KLRG1: variants seen among roughly 807,000 people sequenced by gnomAD.
The protein encoded by KLRG1 is killer cell lectin-like receptor subfamily G member 1.
A neutral mutation model predicts 21.8 loss-of-function variants in KLRG1; 16 were observed. That is an observed-to-expected ratio of 0.73 (90% CI 0.50 to 1.11). KLRG1 has a LOEUF of 1.11. KLRG1 is among the 50% of genes most tolerant of loss of function. The pLI, the probability that KLRG1 is intolerant of heterozygous loss-of-function variation, is 0.00. For missense variants in KLRG1, 173 were observed against 218.3 expected (o/e 0.79, Z 1.31); for synonymous variants, 69 against 75.9 (o/e 0.91, Z 0.47).
the KLRG1 span, among the ~76,000 whole-genome samples, chr12:9,030,408 AT>A: frequency 1.3e-5 from 2 of 149,174 alleles, no homozygotes; most frequent in African/African-American, 4.9e-5. Context: ...TAAAGGAACC[AT>A]TTTTTTTTTC....
the KLRG1 span, among the ~76,000 whole-genome samples, chr12:9,185,982 A>G: frequency 5.3e-5 from 8 of 151,450 alleles, no homozygotes; most frequent in Non-Finnish European, 1.2e-4. Context: ...TAATTTTTGT[A>G]TTTTTAGTAG....
chr12:8,997,676 C>T (rs746947065), intron 3 of KLRG1, among the ~76,000 whole-genome samples: 1 of 152,294 alleles, frequency 6.6e-6, no homozygotes, highest in South Asian at 2.1e-4. Flanking sequence ...GAGATGCTTA[C>T]GTAGAGTTCA....
chr12:9,101,580 G>C, the KLRG1 span: 1 of 1,613,928 alleles, frequency 6.2e-7, no homozygotes, highest in Non-Finnish European at 8.5e-7. Flanking sequence ...GCTCTTGCTT[G>C]GGGAGAACAC....
the KLRG1 span, among the ~76,000 whole-genome samples, chr12:9,175,527 C>A: frequency 1.3e-5 from 2 of 152,114 alleles, no homozygotes; most frequent in African/African-American, 4.8e-5. Context: ...GAACAGACAA[C>A]TTTAAGAATG....
the KLRG1 span, among the ~76,000 whole-genome samples, chr12:9,111,312 A>G: frequency 1.3e-5 from 2 of 152,224 alleles, no homozygotes; most frequent in Non-Finnish European, 2.9e-5. Flanking sequence ...TTTAAAAATC[A>G]ATACGTATAG....
the KLRG1 span, chr12:9,077,256 G>T: frequency 1.6e-6 from 2 of 1,216,702 alleles, no homozygotes; most frequent in African/African-American, 1.5e-5. Flanking sequence ...CTGATGCTTT[G>T]CTTTTAATAG....
the KLRG1 span, chr12:9,077,725 C>T: frequency 6.2e-7 from 1 of 1,614,004 alleles, no homozygotes; most frequent in Non-Finnish European, 8.5e-7. Flanking sequence ...TGAGCAGTGA[C>T]CCAGAGCTCC....
chr12:9,055,358 C>A, the KLRG1 span, among the ~76,000 whole-genome samples: 1 of 152,180 alleles, frequency 6.6e-6, no homozygotes, highest in South Asian at 2.1e-4. Context: ...CACTAATCTT[C>A]AGTTTAGAAG....
the KLRG1 span, chr12:9,110,388 C>T: frequency 8.5e-7 from 1 of 1,178,528 alleles, no homozygotes; most frequent in Non-Finnish European, 1.2e-6. Flanking sequence ...ATTCTTAAAT[C>T]TCATTTATAA....
At chr12:9,169,279 G>A in the KLRG1 span, 51 of 786,368 alleles carry the variant, frequency 6.5e-5, no homozygotes, top group African/African-American at 6.2e-4. Flanking sequence ...ATCCTCACAA[G>A]AGACTTTAAC....
At chr12:8,978,644 CTT>C (rs764825975) in intron 1 of KLRG1, among the ~76,000 whole-genome samples, 20 of 17,908 alleles carry the variant, frequency 1.1e-3, no homozygotes, top group Non-Finnish European at 3.7e-3. Context: ...TCTTTCTTTT[CTT>C]TCTTTCTTTC....
the KLRG1 span, chr12:9,027,592 G>A: frequency 9.9e-6 from 9 of 911,326 alleles, no homozygotes; most frequent in African/African-American, 1.6e-5. Flanking sequence ...CCTTGGTTTC[G>A]TGGTTTGGCA....
At chr12:8,994,785 T>C (rs1947078767) in intron 2 of KLRG1, among the ~76,000 whole-genome samples, 1 of 152,226 alleles carries the variant, frequency 6.6e-6, no homozygotes. Flanking sequence ...GGTGTGTGTA[T>C]ATTACATGTG....
At chr12:9,186,812 G>A in the KLRG1 span, among the ~76,000 whole-genome samples, 1 of 147,492 alleles carries the variant, frequency 6.8e-6, no homozygotes, top group Non-Finnish European at 1.5e-5. Context: ...GAGAACACAT[G>A]GACACAGGGA....
the KLRG1 span, among the ~76,000 whole-genome samples, chr12:9,108,999 A>G: frequency 6.6e-6 from 1 of 151,336 alleles, no homozygotes; most frequent in East Asian, 1.9e-4. Flanking sequence ...TTAAGGCAGA[A>G]CCAATACCCT....
the KLRG1 span, among the ~76,000 whole-genome samples, chr12:9,087,879 G>A: frequency 5.8e-3 from 881 of 152,104 alleles, 8 homozygotes; most frequent in African/African-American, 0.02. Flanking sequence ...ATCTACCCTA[G>A]CTGTACTTGC....
the KLRG1 span, chr12:9,037,063 C>T: frequency 1.1e-5 from 2 of 176,258 alleles, no homozygotes; most frequent in East Asian, 1.8e-4. Flanking sequence ...TTGCATTTCA[C>T]TGCTTCTATG....
At chr12:9,101,392 C>G in the KLRG1 span, 6 of 1,462,062 alleles carry the variant, frequency 4.1e-6, no homozygotes, top group Non-Finnish European at 4.7e-6. Flanking sequence ...TGATTACTTG[C>G]TCCACAGAGA....
the KLRG1 span, among the ~76,000 whole-genome samples, chr12:9,206,981 G>A: frequency 6.6e-6 from 1 of 152,188 alleles, no homozygotes; most frequent in Admixed American, 6.5e-5. Flanking sequence ...GCTGGAAGTA[G>A]TAGAGCCCAC....
Sources: allele counts gnomAD v4.1 joint callset (sites outside exome capture counted in the v4.1 genomes callset), GRCh38; gene constraint gnomAD v4.1.1; transcripts MANE v1.5; gene names NCBI Gene and HGNC (gene_info 2026-07-23, HGNC 2026-07-21).